ARFGEF2: variants seen among roughly 807,000 people sequenced by gnomAD.
ARFGEF2 encodes the protein brefeldin A-inhibited guanine nucleotide-exchange protein 2.
A neutral mutation model predicts 219.9 loss-of-function variants in ARFGEF2; 74 were observed. The ratio of observed to expected loss-of-function variants is 0.34; its 90% CI spans 0.28 to 0.41. ARFGEF2 has a LOEUF of 0.41. Among genes scored for constraint, ARFGEF2 ranks in the 10% least tolerant of loss-of-function variants. ARFGEF2 has a pLI of 1.00. For missense variants in ARFGEF2, 1,743 were observed against 2,218.3 expected (o/e 0.79, Z 4.30); for synonymous variants, 733 against 799.2 (o/e 0.92, Z 1.40).
At position 48,989,273 on chromosome 20, in the gene ARFGEF2, C is replaced by G; in HGVS notation, c.2534-12C>G. On this transcript the variant is annotated splice_polypyrimidine_tract_variant and intron_variant, in intron 18 of 38. Coordinates refer to ENST00000371917, the MANE Select transcript of ARFGEF2 (RefSeq NM_006420.3). The stretch of plus-strand genomic sequence containing the variant: ...GACTGCTAGCCACACCTATCATGCT[C>G]TTACTTTACAGATGTAGCTAGTGAA... 6.2e-7 allele frequency: 1 copy of G among 1,614,072 alleles called. No homozygotes were observed. The highest frequency in any genetic ancestry group is 8.5e-7 in the Non-Finnish European group (1 of 1,179,990).
intron 1 of ARFGEF2, among the ~76,000 whole-genome samples, chr20:48,935,201 A>C (rs1041339996): frequency 6.6e-6 from 1 of 152,096 alleles, no homozygotes; most frequent in African/African-American, 2.4e-5. Flanking sequence ...TAAACAAGTG[A>C]ACAAAGGTCC....
intron 14 of ARFGEF2, among the ~76,000 whole-genome samples, chr20:48,982,847 T>G (rs2091304929): frequency 6.6e-6 from 1 of 152,206 alleles, no homozygotes. Context: ...CTAAGACCAT[T>G]GGAGAAGTGC....
At chr20:48,983,570 A>G (rs1404683845) in intron 14 of ARFGEF2, among the ~76,000 whole-genome samples, 1 of 152,186 alleles carries the variant, frequency 6.6e-6, no homozygotes, top group Non-Finnish European at 1.5e-5. Flanking sequence ...GGCCTGACCC[A>G]GCCCCTGGCC....
At position 48,951,409 on chromosome 20, in the gene ARFGEF2, C is replaced by A. The variant is rs1174834853; in HGVS notation, c.363C>A (p.Thr121=). The A allele has an allele frequency of 6.2e-7, 1 of 1,614,228 alleles. No homozygotes were observed. The highest frequency in any genetic ancestry group is 8.5e-7 in the Non-Finnish European group (1 of 1,180,044). The part of the protein sequence containing the change: ...GKRLIDRIVE[T]ICSCFQGPQT... ...GGCTGATCGACAGAATTGTTGAAACCATTTGCAGTTGTTTTCAGGGCCCTC... is the reference window on the plus strand; with the variant it reads ...GGCTGATCGACAGAATTGTTGAAACAATTTGCAGTTGTTTTCAGGGCCCTC... The change falls in exon 4 of 39, where the codon ACC becomes ACA. Residue 121 remains threonine, a synonymous_variant. Transcript: ENST00000371917.
chr20:48,975,923 G>T (rs187383330), intron 13 of ARFGEF2, 93 bp from the exon 14 acceptor site: 3 of 1,183,672 alleles, frequency 2.5e-6, no homozygotes, highest in Non-Finnish European at 3.8e-6. Flanking sequence ...GCTATTACAG[G>T]TTTGGGAAAG....
intron 1 of ARFGEF2, among the ~76,000 whole-genome samples, chr20:48,924,692 T>A (rs999334118): frequency 1.3e-5 from 2 of 152,162 alleles, no homozygotes; most frequent in Non-Finnish European, 2.9e-5. Context: ...TTCTGTGATA[T>A]GATTCCACCA....
At chr20:49,021,704 C>G (rs577216083) in intron 34 of ARFGEF2, among the ~76,000 whole-genome samples, 1 of 150,972 alleles carries the variant, frequency 6.6e-6, no homozygotes, top group Non-Finnish European at 1.5e-5. Context: ...AAAAAATTAG[C>G]CGGGCATGGT....
intron 14 of ARFGEF2, 84 bp from the exon 15 acceptor site, chr20:48,984,645 A>G: frequency 4.6e-6 from 7 of 1,517,050 alleles, no homozygotes; most frequent in Non-Finnish European, 6.4e-6. Flanking sequence ...ATAGTATTCT[A>G]TTATTATTTA....
At chr20:48,975,872 C>A in intron 13 of ARFGEF2, 144 bp from the exon 14 acceptor site, 5 of 692,496 alleles carry the variant, frequency 7.2e-6, no homozygotes, top group East Asian at 7.1e-5. Context: ...CTGAATGATA[C>A]TAAGGTTTCA....
intron 6 of ARFGEF2, among the ~76,000 whole-genome samples, chr20:48,954,509 A>G (rs540977815): frequency 6.6e-6 from 1 of 152,292 alleles, no homozygotes; most frequent in East Asian, 1.9e-4. Context: ...TCTTCACTCA[A>G]GCAGGTTGTT....
intron 1 of ARFGEF2, among the ~76,000 whole-genome samples, chr20:48,927,656 C>T (rs2090886531): frequency 6.6e-6 from 1 of 151,430 alleles, no homozygotes; most frequent in Non-Finnish European, 1.5e-5. Flanking sequence ...CCACTGCACT[C>T]CAGCCTTGGC....
chr20:48,956,441 C>T (rs1288204323), intron 6 of ARFGEF2, among the ~76,000 whole-genome samples: 3 of 152,248 alleles, frequency 2.0e-5, no homozygotes, highest in Admixed American at 6.5e-5. Context: ...AGGCGGGCCA[C>T]TTGAGGCCAG....
chr20:48,976,232 C>CTA, intron 14 of ARFGEF2, 33 bp downstream of exon 14: 2 of 1,611,128 alleles, frequency 1.2e-6, no homozygotes, highest in Non-Finnish European at 8.5e-7. Flanking sequence ...AGCAGGGATT[C>CTA]TAGCAAAGCC....
At position 48,998,391 on chromosome 20, in the gene ARFGEF2, C is replaced by T. The variant is rs374285087; in HGVS notation, c.3318C>T (p.His1106=). 1.5e-5 allele frequency: 24 copies of T among 1,614,032 alleles called. No homozygotes were observed. In the Middle Eastern group the frequency reaches 8.2e-4, roughly 55 times the overall value. The change falls in exon 25 of 39, where the codon CAC becomes CAT. Residue 1106 remains histidine, a synonymous_variant. Coordinates refer to ENST00000371917, the MANE Select transcript of ARFGEF2 (RefSeq NM_006420.3). ...CCATGGATGAACTGGCTTCCCCCCACCATCCTCGCATGTTCAGCTTGCAGA... is the reference window on the plus strand; with the variant it reads ...CCATGGATGAACTGGCTTCCCCCCATCATCCTCGCATGTTCAGCTTGCAGA... The part of the protein sequence containing the change: ...AVSMDELASP[H]HPRMFSLQKI...
At chr20:49,015,722 G>A (rs901037793) in intron 30 of ARFGEF2, among the ~76,000 whole-genome samples, 3 of 152,118 alleles carry the variant, frequency 2.0e-5, no homozygotes, top group African/African-American at 7.2e-5. Flanking sequence ...TTCATTCCAG[G>A]TCTTCTCATT....
At chr20:48,981,843 A>G (rs1230197465) in intron 14 of ARFGEF2, among the ~76,000 whole-genome samples, 1 of 152,080 alleles carries the variant, frequency 6.6e-6, no homozygotes, top group East Asian at 1.9e-4. Context: ...AGGTCATTTA[A>G]GGTCTTCTCT....
At chr20:48,942,480 T>G (rs942375749) in intron 3 of ARFGEF2, among the ~76,000 whole-genome samples, 1 of 137,664 alleles carries the variant, frequency 7.3e-6, no homozygotes, top group Non-Finnish European at 1.6e-5. Flanking sequence ...TTGGTTTTTT[T>G]TTTTTTTTTT....
At chr20:48,955,396 G>C (rs2091099552) in intron 6 of ARFGEF2, among the ~76,000 whole-genome samples, 1 of 151,902 alleles carries the variant, frequency 6.6e-6, no homozygotes. Flanking sequence ...TTTTTCCATA[G>C]TACTTACAAT....
At chr20:49,005,271 C>T in intron 26 of ARFGEF2, 50 bp downstream of exon 26, 1 of 1,608,680 alleles carries the variant, frequency 6.2e-7, no homozygotes, top group African/African-American at 1.3e-5. Flanking sequence ...CGTTGGGGCT[C>T]CCAGAAGCCC....
Sources: allele counts gnomAD v4.1 joint callset (sites outside exome capture counted in the v4.1 genomes callset), GRCh38; gene constraint gnomAD v4.1.1; transcripts MANE v1.5; gene names NCBI Gene and HGNC (gene_info 2026-07-23, HGNC 2026-07-21).